The following ITGB4 variants were observed in gnomAD, a reference collection of about 807,000 sequenced individuals.
ITGB4 encodes integrin subunit beta 4, also known as integrin beta-4.
Under a neutral mutation model 207.6 loss-of-function variants are expected in ITGB4, and 159 were observed. That is an observed-to-expected ratio of 0.77 (90% CI 0.67 to 0.87). ITGB4 has a LOEUF of 0.87. ITGB4 is among the 40% of genes least tolerant of loss of function. ITGB4 has a pLI of 0.00. For synonymous variants in ITGB4, 1,020 were observed against 1,062.7 expected, an observed-to-expected ratio of 0.96 and a Z score of 0.78; for missense variants, 2,278 against 2,546.8, an observed-to-expected ratio of 0.89 and a Z score of 2.27.
rs189610725 is a variant in ITGB4, at chr17:75,757,559, C to A, written c.*4C>A. ...CCAACAGTTCTTCCAAACTTGACCG[C>A]ACCCTGCCCCACCCCCGCCACGTCC... On this transcript the variant is annotated 3_prime_UTR_variant, in exon 40 of 40. Transcript: ENST00000200181. 1.9e-6 allele frequency: 3 copies of A among 1,613,210 alleles called. No homozygotes were observed. The highest frequency in any genetic ancestry group is 2.5e-6 in the Non-Finnish European group (3 of 1,179,926).
chr17:75,732,498 T>G lies in ITGB4; in HGVS notation c.1454+259T>G, dbSNP rs1410383137. Among the ~76,000 whole-genome samples, 2 of 151,964 alleles carry G rather than the reference T, an allele frequency of 1.3e-5. No homozygotes were observed. The highest frequency in any genetic ancestry group is 4.8e-5 in the African/African-American group (2 of 41,362). ...ACGGGGTTGGCTGTTGGGGCTGGGG[T>G]CTGGATCTTGGGGGACAGGCACACG... On this transcript the variant is annotated intron_variant, in intron 12 of 39. Coordinates refer to ENST00000200181, the MANE Select transcript of ITGB4 (RefSeq NM_000213.5). This position sits in a 1 kb window ranked among gnomAD's most constrained non-coding sequence, Gnocchi z 5.3.
At position 75,740,492 on chromosome 17, in the gene ITGB4, G is replaced by T; in HGVS notation, c.2550+31G>T. On this transcript the variant is annotated intron_variant, in intron 21 of 39. Coordinates refer to ENST00000200181, the MANE Select transcript of ITGB4 (RefSeq NM_000213.5). This position sits in a 1 kb window ranked among gnomAD's most constrained non-coding sequence, Gnocchi z 5.9. ...GACCCAGGAACTAGGCCTGGCCGGA[G>T]ATGTGGGTATGAGGGCGGGTGAGGT... The T allele has an allele frequency of 1.9e-5, 28 of 1,497,552 alleles. No homozygotes were observed. The highest frequency in any genetic ancestry group is 2.2e-5 in the Non-Finnish European group (24 of 1,075,248). 92.8% of individuals were successfully genotyped at this position (1,497,552 alleles called of 1,614,324 possible).
Position 75,743,836 on chromosome 17 carries a change from AG to A in ITGB4, c.3088del (p.Asp1030MetfsTer30). 1 of 1,604,164 alleles carries A rather than the reference AG, an allele frequency of 6.2e-7. No homozygotes were observed. The highest frequency in any genetic ancestry group is 8.5e-7 in the Non-Finnish European group (1 of 1,175,962). ...AAGTCCCAGGTCTCCTACCGCACAC[AG>A]GATGGCACCGCGCAGGGCAACCGGG... ...GGKSQVSYRT[Q>X]DGTAQGNRDY... is the part of the protein sequence containing the mutation. On this transcript the variant is annotated frameshift_variant, in exon 26 of 40. Coordinates refer to ENST00000200181, the MANE Select transcript of ITGB4 (RefSeq NM_000213.5). LOFTEE classifies it high-confidence loss of function.
rs1036727526 is a variant in ITGB4 at position 75,752,597 on chromosome 17, C to T, written c.4108+20C>T. 1 of 1,613,088 alleles carries T rather than the reference C, an allele frequency of 6.2e-7. No homozygotes were observed. The highest frequency in any genetic ancestry group is 8.5e-7 in the Non-Finnish European group (1 of 1,179,788). On this transcript the variant is annotated intron_variant, in intron 32 of 39. Coordinates refer to ENST00000200181, the MANE Select transcript of ITGB4 (RefSeq NM_000213.5). ...ACACTGGTGAGTGGAGACCTGGGACCCACAAGAGGACAGTGGGGGTCTTGG... is the reference window on the plus strand; with the variant it reads ...ACACTGGTGAGTGGAGACCTGGGACTCACAAGAGGACAGTGGGGGTCTTGG...
In ITGB4 at chr17:75,750,042, G is replaced by A; in HGVS notation, c.3317-69G>A. The A allele has an allele frequency of 6.3e-7, 1 of 1,596,450 alleles. No homozygotes were observed. Among genetic ancestry groups the A allele is most frequent in the East Asian group, 2.2e-5 (1 of 44,770 alleles). On this transcript the variant is annotated intron_variant, in intron 27 of 39. Transcript: ENST00000200181. This position sits in a 1 kb window ranked among gnomAD's most constrained non-coding sequence, Gnocchi z 5.5. ...GGTAGAGCGCCCTGGGTGTTGAAGT[G>A]GGTCTCTGGCGCCCCCTGGTGGTGA...
chr17:75,742,601 G>A lies in ITGB4; in HGVS notation c.2802G>A (p.Glu934=). The A allele has an allele frequency of 6.2e-7, 1 of 1,614,000 alleles. No homozygotes were observed. ...ACCCAGACGCCCGGGGCATGGTGGA[G>A]TTCCAGGAGGGCGTGGAGCTGGTGG... is the stretch of plus-strand genomic sequence containing the variant. The part of the protein sequence containing the change: ...TADQDARGMV[E]FQEGVELVDV... The change falls in exon 25 of 40, where the codon GAG becomes GAA. Residue 934 remains glutamate (E), a synonymous_variant. Coordinates refer to ENST00000200181, the MANE Select transcript of ITGB4 (RefSeq NM_000213.5). The surrounding 1 kb of genome is among the most constrained non-coding windows in gnomAD (Gnocchi z 5.9).
At position 75,727,844 on chromosome 17, in the gene ITGB4, G is replaced by A. The variant is rs2060756048; in HGVS notation, c.458G>A (p.Gly153Glu). The change falls in exon 5 of 40, where the codon GGG (glycine) becomes GAG (glutamate). Residue 153 changes from glycine (G) to glutamate (E), a missense_variant. By Grantham distance (98) the Gly-to-Glu change is moderately conservative (BLOSUM62 -2). Coordinates refer to ENST00000200181, the MANE Select transcript of ITGB4 (RefSeq NM_000213.5). The surrounding 1 kb of genome is among the most constrained non-coding windows in gnomAD (Gnocchi z 6.0). ...GATCTGGACAACCTCAAGAAGATGGGGCAGAACCTGGGTACGGCAGGGCCA... is the reference window on the plus strand; with the variant it reads ...GATCTGGACAACCTCAAGAAGATGGAGCAGAACCTGGGTACGGCAGGGCCA... ...SDDLDNLKKM[G>E]QNLARVLSQL... 1 of 1,613,630 alleles carries A rather than the reference G, an allele frequency of 6.2e-7. No individual in the cohort carries two copies. Among genetic ancestry groups the A allele is most frequent in the African/African-American group, 1.3e-5 (1 of 74,896 alleles).
At chr17:75,756,359 G>C in intron 35 of ITGB4, 70 bp from the exon 36 acceptor site, 4 of 1,564,420 alleles carry the variant, frequency 2.6e-6, no homozygotes, top group Non-Finnish European at 3.5e-6. Context: ...GGCAGCTTAG[G>C]GACGAGGAGG....
At position 75,750,409 on chromosome 17, in the gene ITGB4, C is replaced by G; in HGVS notation, c.3474+141C>G. On this transcript the variant is annotated intron_variant, in intron 28 of 39. Coordinates refer to ENST00000200181, the MANE Select transcript of ITGB4 (RefSeq NM_000213.5). The surrounding 1 kb of genome is among the most constrained non-coding windows in gnomAD (Gnocchi z 5.5). ...CTAGCACAGGTGGTCAGAGGGAAAC[C>G]CGGTCTGTGCTGGGAAAGAGGGAAG... The G allele has an allele frequency of 1.1e-6, 1 of 921,370 alleles. No individual in the cohort carries two copies. The highest frequency in any genetic ancestry group is 1.6e-6 in the Non-Finnish European group (1 of 615,942). 57.1% of individuals were successfully genotyped at this position (921,370 alleles called of 1,614,324 possible).
Position 75,740,719 on chromosome 17 carries a change from C to T in ITGB4, c.2551-74C>T, listed in dbSNP as rs559130967. 6.5e-7 allele frequency: 1 copy of T among 1,531,998 alleles called. No individual in the cohort carries two copies. The highest frequency in any genetic ancestry group is 1.7e-5 in the Admixed American group (1 of 59,854). 94.9% of individuals were successfully genotyped at this position (1,531,998 alleles called of 1,614,324 possible). On this transcript the variant is annotated intron_variant, in intron 21 of 39. Transcript: ENST00000200181. This position sits in a 1 kb window ranked among gnomAD's most constrained non-coding sequence, Gnocchi z 5.9. ...CTCTGGGTACAGAGGCTGCCTGGCT[C>T]CCTGGGTCCCCAGCCTGAGGGCTTG...
intron 36 of ITGB4, 28 bp downstream of exon 36, chr17:75,756,645 T>G: frequency 6.2e-7 from 1 of 1,612,792 alleles, no homozygotes; most frequent in Non-Finnish European, 8.5e-7. Flanking sequence ...GCCCCAGAGC[T>G]GCCCCCATCA....
chr17:75,730,225 G>T lies in ITGB4; in HGVS notation c.739-16G>T. 3.1e-6 allele frequency: 5 copies of T among 1,612,218 alleles called. No individual in the cohort carries two copies. The highest frequency in any genetic ancestry group is 2.2e-5 in the South Asian group (2 of 91,050). On this transcript the variant is annotated splice_polypyrimidine_tract_variant and intron_variant, in intron 7 of 39. Transcript: ENST00000200181. ...GCAGCCTGCTCAGTGGGCACGCCCC[G>T]CCTTGCCTTCCCCAGAGGGACATTG...
At chr17:75,749,900 C>T (rs550389803) in intron 27 of ITGB4, among the ~76,000 whole-genome samples, 11 of 152,340 alleles carry the variant, frequency 7.2e-5, no homozygotes, top group Admixed American at 7.2e-4. Flanking sequence ...CGCTTCTGTT[C>T]CTCCAGAGAC....
At chr17:75,754,412 C>A in intron 33 of ITGB4, 164 bp from the exon 34 acceptor site, 2 of 809,180 alleles carry the variant, frequency 2.5e-6, no homozygotes, top group Non-Finnish European at 4.0e-6. Context: ...TGGGCTCCTG[C>A]AGGGACAGAG....
chr17:75,724,885 G>C, intron 2 of ITGB4, 103 bp downstream of exon 2: 1 of 988,678 alleles, frequency 1.0e-6, no homozygotes, highest in Non-Finnish European at 1.6e-6. Flanking sequence ...AACACGCTTG[G>C]CCATTCAGCA....
chr17:75,753,498 G>A (rs1306664556), intron 32 of ITGB4, among the ~76,000 whole-genome samples: 1 of 152,192 alleles, frequency 6.6e-6, no homozygotes, highest in Non-Finnish European at 1.5e-5. Flanking sequence ...CTTCCCCCAG[G>A]TTTCTGGCGG....
intron 13 of ITGB4, among the ~76,000 whole-genome samples, chr17:75,734,279 G>A (rs1432119319): frequency 6.6e-6 from 1 of 151,814 alleles, no homozygotes; most frequent in Non-Finnish European, 1.5e-5. Context: ...TGGGACTATA[G>A]GCATGCACCA....
rs763544796 is a variant in ITGB4, at chr17:75,730,508, C to T, written c.1002+4C>T. 8.7e-6 allele frequency: 14 copies of T among 1,613,436 alleles called. No individual in the cohort carries two copies. Among genetic ancestry groups the T allele is most frequent in the Admixed American group, 3.3e-5 (2 of 59,992 alleles). The stretch of plus-strand genomic sequence containing the variant: ...CTACTCCTATAGCTACTACGAGGTG[C>T]GGGGCCCAGGTCCCACGGGTGGGAG... On this transcript the variant is annotated splice_donor_region_variant and intron_variant, in intron 8 of 39. Transcript: ENST00000200181.
chr17:75,752,562 G>A lies in ITGB4; in HGVS notation c.4093G>A (p.Val1365Ile), dbSNP rs145750695. Residue 1365 changes from valine (V) to isoleucine (I), a missense_variant, in exon 32 of 40, where the codon GTC (valine) becomes ATC (isoleucine). Coordinates refer to ENST00000200181, the MANE Select transcript of ITGB4 (RefSeq NM_000213.5). ...RSPSGSQRPS[V>I]SDDTGCGWKF... ...TCCATCGGGCAGCCAGAGGCCCAGC[G>A]TCTCCGATGACACTGGTGAGTGGAG... The A allele has an allele frequency of 8.6e-4, 1,387 of 1,613,574 alleles. 15 individuals carry two copies. The African/African-American group carries it at 0.016, about 19-fold the overall frequency.
Sources: allele counts gnomAD v4.1 joint callset (sites outside exome capture counted in the v4.1 genomes callset), GRCh38; gene constraint gnomAD v4.1.1; non-coding constraint Gnocchi (gnomAD v3.1); transcripts MANE v1.5; gene names NCBI Gene and HGNC (gene_info 2026-07-23, HGNC 2026-07-21).